Variants in RABGAP1L observed in about 807,000 individuals in gnomAD.
RABGAP1L encodes rab GTPase-activating protein 1-like.
A neutral mutation model predicts 137.7 loss-of-function variants in RABGAP1L; 63 were observed. The ratio of observed to expected loss-of-function variants is 0.46; its 90% CI spans 0.37 to 0.56. RABGAP1L has a LOEUF of 0.56. Ranked by LOEUF, RABGAP1L falls within the 20% of genes least tolerant of loss-of-function variation. The pLI is 0.00. For missense variants in RABGAP1L, 1,095 were observed against 1,244.0 expected (o/e 0.88, Z 1.80); for synonymous variants, 431 against 433.7 (o/e 0.99, Z 0.08).
intron 13 of RABGAP1L, among the ~76,000 whole-genome samples, chr1:174,460,357 T>C (rs1240171129): frequency 6.6e-6 from 1 of 152,140 alleles, no homozygotes; most frequent in Non-Finnish European, 1.5e-5. Flanking sequence ...CATAGTTCTC[T>C]ACCCAAATAT....
At chr1:174,221,545 CTAAG>C (rs1464503019) in intron 3 of RABGAP1L, among the ~76,000 whole-genome samples, 8 of 152,122 alleles carry the variant, frequency 5.3e-5, no homozygotes, top group Non-Finnish European at 1.2e-4. Flanking sequence ...AGTAAAAACT[CTAAG>C]TAAAACATAT....
intron 1 of RABGAP1L, among the ~76,000 whole-genome samples, chr1:174,176,517 C>T (rs1482018804): frequency 6.7e-6 from 1 of 148,216 alleles, no homozygotes; most frequent in Non-Finnish European, 1.5e-5. Context: ...CAAGATTAGC[C>T]TGGGCAACAT....
intron 11 of RABGAP1L, among the ~76,000 whole-genome samples, chr1:174,338,800 A>G (rs1042554854): frequency 2.0e-5 from 3 of 152,112 alleles, no homozygotes. Flanking sequence ...TAAAATATGA[A>G]TTGGTACTCT....
chr1:174,274,871 A>T (rs59061054), intron 8 of RABGAP1L, among the ~76,000 whole-genome samples: 11,131 of 152,236 alleles, frequency 0.073, 605 homozygotes, highest in East Asian at 0.32. Flanking sequence ...AATGGGTAAT[A>T]ATGAAAAAAG....
At chr1:174,530,838 C>CATAT (rs71563257) in intron 13 of RABGAP1L, among the ~76,000 whole-genome samples, 2 of 55,018 alleles carry the variant, frequency 3.6e-5, no homozygotes, top group East Asian at 6.2e-4. Flanking sequence ...TACATACATA[C>CATAT]GTACGTTTGT....
intron 19 of RABGAP1L, among the ~76,000 whole-genome samples, chr1:174,926,910 T>G (rs1349099010): frequency 6.6e-6 from 1 of 151,884 alleles, no homozygotes; most frequent in Non-Finnish European, 1.5e-5. Flanking sequence ...CTGTCTCTAC[T>G]AAAAATACAA....
At chr1:174,763,062 G>A (rs1350113995) in intron 18 of RABGAP1L, among the ~76,000 whole-genome samples, 5 of 151,678 alleles carry the variant, frequency 3.3e-5, no homozygotes, top group East Asian at 2.0e-4. Flanking sequence ...TGATCCACCC[G>A]CCTTGGCCTC....
At chr1:174,484,377 T>C (rs1659427581) in intron 13 of RABGAP1L, among the ~76,000 whole-genome samples, 1 of 152,234 alleles carries the variant, frequency 6.6e-6, no homozygotes, top group South Asian at 2.1e-4. Flanking sequence ...GTACATTGTT[T>C]CCTTTGCTAT....
chr1:174,814,036 A>T (rs1327346683), intron 19 of RABGAP1L, among the ~76,000 whole-genome samples: 1 of 152,192 alleles, frequency 6.6e-6, no homozygotes, highest in Non-Finnish European at 1.5e-5. Flanking sequence ...CAATTGAAAA[A>T]CATGAAATGT....
intron 13 of RABGAP1L, among the ~76,000 whole-genome samples, chr1:174,450,277 T>A (rs1160595960): frequency 6.6e-6 from 1 of 152,112 alleles, no homozygotes; most frequent in Non-Finnish European, 1.5e-5. Flanking sequence ...TTGTGTTAGG[T>A]CTACGATAGC....
chr1:174,472,123 C>A (rs1376106191), intron 13 of RABGAP1L, among the ~76,000 whole-genome samples: 1 of 152,202 alleles, frequency 6.6e-6, no homozygotes, highest in African/African-American at 2.4e-5. Flanking sequence ...GCTTCTAAAA[C>A]TGTGAGAAGT....
chr1:174,865,857 AT>A (rs936899825), intron 19 of RABGAP1L, among the ~76,000 whole-genome samples: 1 of 152,176 alleles, frequency 6.6e-6, no homozygotes, highest in African/African-American at 2.4e-5. Context: ...TATAGAGCTT[AT>A]TTATAAACTG....
intron 13 of RABGAP1L, among the ~76,000 whole-genome samples, chr1:174,478,320 G>A (rs1658725318): frequency 6.6e-6 from 1 of 151,858 alleles, no homozygotes; most frequent in African/African-American, 2.4e-5. Context: ...GCCCAGGCTA[G>A]AGTGCAGTAG....
At chr1:174,344,032 G>A (rs1196692653) in intron 11 of RABGAP1L, among the ~76,000 whole-genome samples, 4 of 152,150 alleles carry the variant, frequency 2.6e-5, no homozygotes, top group Non-Finnish European at 4.4e-5. Flanking sequence ...ACTTGGTGTG[G>A]TGGCAATAAA....
chr1:174,752,171 A>C (rs1684395140), intron 17 of RABGAP1L, 142 bp from the exon 18 acceptor site: 7 of 653,006 alleles, frequency 1.1e-5, no homozygotes. Context: ...AATACCTTTA[A>C]AAAAAAACTC....
At chr1:174,717,465 T>C (rs1023489370) in intron 17 of RABGAP1L, among the ~76,000 whole-genome samples, 9 of 152,158 alleles carry the variant, frequency 5.9e-5, no homozygotes, top group Non-Finnish European at 1.3e-4. Flanking sequence ...CCAATAGTAC[T>C]GATTAAACCT....
At chr1:174,794,325 C>G (rs750863331) in intron 18 of RABGAP1L, among the ~76,000 whole-genome samples, 3 of 152,078 alleles carry the variant, frequency 2.0e-5, no homozygotes, top group Non-Finnish European at 4.4e-5. Flanking sequence ...GTGAATATAT[C>G]CAAAGTTCTT....
intron 12 of RABGAP1L, among the ~76,000 whole-genome samples, chr1:174,393,476 T>TA (rs1489971743): frequency 6.6e-6 from 1 of 152,184 alleles, no homozygotes; most frequent in East Asian, 1.9e-4. Context: ...ATGTATGCCT[T>TA]ATGCCTCCTA....
intron 25 of RABGAP1L, 97 bp downstream of exon 25, chr1:174,988,935 TATG>T (rs1021868794): frequency 9.1e-7 from 1 of 1,099,588 alleles, no homozygotes; most frequent in Admixed American, 3.6e-5. Context: ...GTCAGAATTG[TATG>T]ATGAATACAT....
Sources: allele counts gnomAD v4.1 joint callset (sites outside exome capture counted in the v4.1 genomes callset), GRCh38; gene constraint gnomAD v4.1.1; transcripts MANE v1.5; gene names NCBI Gene and HGNC (gene_info 2026-07-23, HGNC 2026-07-21).